The following HS6ST3 variants were observed in gnomAD, a reference collection of about 807,000 sequenced individuals.
The protein encoded by HS6ST3 is heparan-sulfate 6-O-sulfotransferase 3.
A neutral mutation model predicts 36.7 loss-of-function variants in HS6ST3; 12 were observed. That is an observed-to-expected ratio of 0.33 (90% CI 0.21 to 0.53). HS6ST3 has a LOEUF of 0.53. HS6ST3 is among the 20% of genes least tolerant of loss of function. The pLI, the probability that HS6ST3 is intolerant of heterozygous loss-of-function variation, is 0.95. For missense variants in HS6ST3, 584 were observed against 640.9 expected, an observed-to-expected ratio of 0.91 and a Z score of 0.96; for synonymous variants, 240 against 257.5, an observed-to-expected ratio of 0.93 and a Z score of 0.65.
At chr13:96,765,322 T>C (rs530494805) in intron 1 of HS6ST3, among the ~76,000 whole-genome samples, 1 of 152,140 alleles carries the variant, frequency 6.6e-6, no homozygotes, top group African/African-American at 2.4e-5. Context: ...TCTGCCCTCC[T>C]TGGCCTCCCA....
intron 1 of HS6ST3, among the ~76,000 whole-genome samples, chr13:96,803,016 C>T (rs546517768): frequency 6.6e-6 from 1 of 152,262 alleles, no homozygotes; most frequent in African/African-American, 2.4e-5. Flanking sequence ...AATTATTCTA[C>T]CCTGACTCTT....
chr13:96,239,678 AAG>A (rs777216853), intron 1 of HS6ST3, among the ~76,000 whole-genome samples: 34 of 152,244 alleles, frequency 2.2e-4, no homozygotes, highest in Non-Finnish European at 8.8e-5. Flanking sequence ...TTATCACACA[AAG>A]AGTTTATATA....
intron 1 of HS6ST3, among the ~76,000 whole-genome samples, chr13:96,734,989 G>A (rs543453658): frequency 6.6e-6 from 1 of 152,222 alleles, no homozygotes; most frequent in South Asian, 2.1e-4. Context: ...CTCCCCAAAA[G>A]CTGATGGTTG....
intron 1 of HS6ST3, among the ~76,000 whole-genome samples, chr13:96,774,207 T>G (rs1165898892): frequency 1.3e-5 from 2 of 151,954 alleles, no homozygotes; most frequent in African/African-American, 4.8e-5. Flanking sequence ...GGTAGATAAA[T>G]CCATGAAGAT....
chr13:96,349,431 C>T (rs2055171450), intron 1 of HS6ST3, among the ~76,000 whole-genome samples: 1 of 151,924 alleles, frequency 6.6e-6, no homozygotes, highest in African/African-American at 2.4e-5. Context: ...TCTCTCTTTC[C>T]AAACAATTCT....
At chr13:96,718,128 C>G (rs1214690341) in intron 1 of HS6ST3, among the ~76,000 whole-genome samples, 2 of 152,146 alleles carry the variant, frequency 1.3e-5, no homozygotes, top group African/African-American at 2.4e-5. Context: ...GGGTCAGCAT[C>G]CCACCTAACA....
chr13:96,657,801 C>T, intron 1 of HS6ST3, among the ~76,000 whole-genome samples: 1 of 152,082 alleles, frequency 6.6e-6, no homozygotes, highest in East Asian at 1.9e-4. Flanking sequence ...TTGTTTTATC[C>T]AGTGGAAATT....
At chr13:96,616,691 C>G (rs751175587) in intron 1 of HS6ST3, among the ~76,000 whole-genome samples, 2 of 152,082 alleles carry the variant, frequency 1.3e-5, no homozygotes, top group Non-Finnish European at 2.9e-5. Flanking sequence ...TTCATGAACC[C>G]AAAGCTCAAT....
chr13:96,642,564 C>G (rs900423119), intron 1 of HS6ST3, among the ~76,000 whole-genome samples: 2 of 151,856 alleles, frequency 1.3e-5, no homozygotes, highest in Non-Finnish European at 1.5e-5. Context: ...GTCTCTGAGG[C>G]TCTGCTAGTT....
chr13:96,500,045 T>G (rs2055996627), intron 1 of HS6ST3, among the ~76,000 whole-genome samples: 1 of 152,216 alleles, frequency 6.6e-6, no homozygotes, highest in Non-Finnish European at 1.5e-5. Context: ...TTTTCATCAC[T>G]GCACAAAGGA....
At position 96,836,896 on chromosome 13, in the gene HS6ST3, C is replaced by T. The variant is rs1878939832; in HGVS notation, c.*3698C>T. The T allele has an allele frequency of 6.6e-6, 1 of 152,214 alleles. No homozygotes were observed. Among genetic ancestry groups the T allele is most frequent in the Non-Finnish European group, 1.5e-5 (1 of 68,044 alleles). The allele number at this position is 152,214 out of a possible 1,614,324, so 9.4% of individuals were successfully genotyped here. A position where few individuals can be genotyped will look rare whatever the true frequency, so the allele number is the denominator to read the frequency against. The stretch of plus-strand genomic sequence containing the variant: ...AGGCCCTCTCCTGTTGCTCTGTCAT[C>T]CTAATGTGCTGCATCCACCTCATGG... On this transcript the variant is annotated 3_prime_UTR_variant, in exon 2 of 2. Coordinates refer to ENST00000376705, the MANE Select transcript of HS6ST3 (RefSeq NM_153456.4).
chr13:96,601,594 A>G (rs2056421719), intron 1 of HS6ST3, among the ~76,000 whole-genome samples: 1 of 152,058 alleles, frequency 6.6e-6, no homozygotes. Context: ...TGCATTTTGG[A>G]TACTTTGTCT....
chr13:96,524,652 G>A (rs1472961551), intron 1 of HS6ST3, among the ~76,000 whole-genome samples: 1 of 152,214 alleles, frequency 6.6e-6, no homozygotes, highest in East Asian at 1.9e-4. Flanking sequence ...CGCTAACAGC[G>A]AGCAAGGCTC....
Position 96,170,848 on chromosome 13 carries a change from G to T in HS6ST3, c.707+79279G>T, listed in dbSNP as rs527381080. ...TGAGGCCTTGATGTAGCACAGAAAC[G>T]TGGTGGAGGAAACTGTATTGAATTT... On this transcript the variant is annotated intron_variant, in intron 1 of 1. Transcript: ENST00000376705. Among the ~76,000 whole-genome samples the T allele has an allele frequency of 1.0e-3, 154 of 152,368 alleles. 1 individual carries two copies. Among genetic ancestry groups the T allele is most frequent in the African/African-American group, 3.5e-3 (145 of 41,596 alleles).
chr13:96,813,481 G>T (rs1243059018), intron 1 of HS6ST3, among the ~76,000 whole-genome samples: 2 of 152,156 alleles, frequency 1.3e-5, no homozygotes, highest in Admixed American at 1.3e-4. Flanking sequence ...ATATGTAGGA[G>T]CCCAACATGT....
At chr13:96,416,216 T>C (rs1297178489) in intron 1 of HS6ST3, among the ~76,000 whole-genome samples, 1 of 152,228 alleles carries the variant, frequency 6.6e-6, no homozygotes, top group Non-Finnish European at 1.5e-5. Context: ...TTTTAGTTAG[T>C]GGCAAAATGG....
At chr13:96,360,931 G>T (rs2055235153) in intron 1 of HS6ST3, among the ~76,000 whole-genome samples, 1 of 129,452 alleles carries the variant, frequency 7.7e-6, no homozygotes, top group Admixed American at 7.8e-5. Context: ...GGACGACAGA[G>T]CAAGACCCTG....
At chr13:96,435,778 A>C (rs1167731822) in intron 1 of HS6ST3, among the ~76,000 whole-genome samples, 1 of 147,144 alleles carries the variant, frequency 6.8e-6, no homozygotes, top group East Asian at 2.0e-4. Flanking sequence ...AAACTTCTGT[A>C]TAGTTTTTCC....
chr13:96,620,932 A>C (rs1009226743), intron 1 of HS6ST3, among the ~76,000 whole-genome samples: 3 of 152,132 alleles, frequency 2.0e-5, no homozygotes, highest in African/African-American at 7.2e-5. Flanking sequence ...GGGGCTTGAC[A>C]TTTATTATTG....
Sources: gnomAD v4.1 joint callset for allele counts (sites outside exome capture counted in the v4.1 genomes callset) on GRCh38, gnomAD v4.1.1 for gene constraint, MANE v1.5 for transcripts, NCBI Gene and HGNC (gene_info 2026-07-23, HGNC 2026-07-21) for gene names.